The following VPS13A variants were observed in gnomAD, a reference collection of about 807,000 sequenced individuals.
The protein encoded by VPS13A is intermembrane lipid transfer protein VPS13A.
Under a neutral mutation model 390.9 loss-of-function variants are expected in VPS13A, and 264 were observed. The ratio of observed to expected loss-of-function variants is 0.68; its 90% CI spans 0.61 to 0.75. The LOEUF (loss-of-function observed/expected upper bound fraction) is 0.75, where lower values mean the gene tolerates loss of function less well. Among genes scored for constraint, VPS13A ranks in the 30% least tolerant of loss-of-function variants. VPS13A has a pLI of 0.00. For synonymous variants in VPS13A, 1,231 were observed against 1,227.1 expected (o/e 1.00, Z -0.07); for missense variants, 3,409 against 3,733.9 (o/e 0.91, Z 2.27).
At chr9:77,199,234 C>A (rs745457806) in intron 1 of VPS13A, among the ~76,000 whole-genome samples, 1 of 152,062 alleles carries the variant, frequency 6.6e-6, no homozygotes, top group Non-Finnish European at 1.5e-5. Context: ...AATGAGGTCT[C>A]GCTGTGTTGC....
At chr9:77,359,688 C>T (rs548360207) in intron 58 of VPS13A, among the ~76,000 whole-genome samples, 4 of 151,848 alleles carry the variant, frequency 2.6e-5, no homozygotes, top group South Asian at 2.1e-4. Context: ...CGTGGTGGCA[C>T]GTGCCCAGAG....
intron 59 of VPS13A, among the ~76,000 whole-genome samples, chr9:77,363,829 G>C (rs1041741258): frequency 6.6e-6 from 1 of 152,172 alleles, no homozygotes; most frequent in Non-Finnish European, 1.5e-5. Context: ...TTTGGGAAGA[G>C]ATTAATAGTT....
chr9:77,268,624 G>A (rs1449163294), intron 23 of VPS13A, among the ~76,000 whole-genome samples: 1 of 152,048 alleles, frequency 6.6e-6, no homozygotes, highest in Non-Finnish European at 1.5e-5. Flanking sequence ...GTGTAGAGAA[G>A]TTTTATCCCC....
At chr9:77,220,437 TA>T (rs1823141489) in intron 12 of VPS13A, 54 bp downstream of exon 12, 2 of 1,219,962 alleles carry the variant, frequency 1.6e-6, no homozygotes, top group Non-Finnish European at 2.3e-6. Context: ...AACATAAAAA[TA>T]AATTTCTCGA....
At chr9:77,348,964 C>A (rs1831312680) in intron 52 of VPS13A, among the ~76,000 whole-genome samples, 1 of 151,908 alleles carries the variant, frequency 6.6e-6, no homozygotes, top group Non-Finnish European at 1.5e-5. Context: ...AACACATTTA[C>A]ATTTGATTTT....
chr9:77,339,216 G>A, intron 47 of VPS13A: 1 of 348,058 alleles, frequency 2.9e-6, no homozygotes, highest in Non-Finnish European at 5.2e-6. Context: ...CAATTATAGT[G>A]TTTTATGTTT....
chr9:77,377,725 A>G (rs1206597943), intron 67 of VPS13A, among the ~76,000 whole-genome samples: 6 of 152,024 alleles, frequency 3.9e-5, no homozygotes, highest in Admixed American at 6.6e-5. Context: ...TTTCTTGCCT[A>G]GTTGTCCTGG....
intron 24 of VPS13A, 130 bp from the exon 25 acceptor site, chr9:77,275,368 C>T (rs757866298): frequency 6.9e-6 from 6 of 863,538 alleles, no homozygotes; most frequent in Admixed American, 2.5e-5. Flanking sequence ...CTGTTTATTT[C>T]GGTTCTCATG....
intron 46 of VPS13A, among the ~76,000 whole-genome samples, chr9:77,333,567 A>G (rs1487419336): frequency 6.6e-6 from 1 of 151,420 alleles, no homozygotes; most frequent in Non-Finnish European, 1.5e-5. Flanking sequence ...GGCATGTGCC[A>G]CCATGCGCAG....
chr9:77,411,802 G>A (rs1247648162), intron 71 of VPS13A, among the ~76,000 whole-genome samples: 1 of 151,802 alleles, frequency 6.6e-6, no homozygotes, highest in Non-Finnish European at 1.5e-5. Context: ...AATGAATCCA[G>A]GAGCTGGTTT....
rs1453845784 is a variant in VPS13A at position 77,314,260 on chromosome 9, AATAATT to A, written c.4242+146_4242+151del. The A allele has an allele frequency of 1.1e-5, 11 of 974,848 alleles. 1 individual carries two copies. Among genetic ancestry groups the A allele is most frequent in the Non-Finnish European group, 1.5e-5 (10 of 667,894 alleles). The allele number at this position is 974,848 out of a possible 1,614,324, so 60.4% of individuals were successfully genotyped here. ...AGAAAAATGATCTTTTTACTTTAAT[AATAATT>A]ATAACTATTTCCCTTTTAAATGAGT... On this transcript the variant is annotated intron_variant, in intron 36 of 71. Coordinates refer to ENST00000360280, the MANE Select transcript of VPS13A (RefSeq NM_033305.3).
At chr9:77,188,519 A>G (rs1256030922) in intron 1 of VPS13A, among the ~76,000 whole-genome samples, 1 of 152,188 alleles carries the variant, frequency 6.6e-6, no homozygotes, top group African/African-American at 2.4e-5. Flanking sequence ...TCCACTGTTG[A>G]CAGACATCTA....
chr9:77,318,434 G>A lies in VPS13A; in HGVS notation c.5156G>A (p.Gly1719Asp), dbSNP rs1829532129. ...IAPTTELVPK[G>D]EMIKMNIDSI... ...CCCACAACTGAATTGGTACCCAAAGGCGAGATGATAAAAATGAACATTGAT... is the reference window on the plus strand; with the variant it reads ...CCCACAACTGAATTGGTACCCAAAGACGAGATGATAAAAATGAACATTGAT... The change falls in exon 41 of 72, where the codon GGC becomes GAC. Residue 1719 changes from glycine to aspartate, a missense_variant. Coordinates refer to ENST00000360280, the MANE Select transcript of VPS13A (RefSeq NM_033305.3). The A allele has an allele frequency of 6.2e-7, 1 of 1,613,708 alleles. No individual in the cohort carries two copies. The highest frequency in any genetic ancestry group is 8.5e-7 in the Non-Finnish European group (1 of 1,179,868).
At chr9:77,195,967 T>C (rs1198669519) in intron 1 of VPS13A, among the ~76,000 whole-genome samples, 1 of 152,116 alleles carries the variant, frequency 6.6e-6, no homozygotes, top group Non-Finnish European at 1.5e-5. Context: ...AGCGCTGCTT[T>C]TGCTGTATCA....
chr9:77,298,040 T>G (rs1828117069), intron 33 of VPS13A, among the ~76,000 whole-genome samples: 1 of 152,086 alleles, frequency 6.6e-6, no homozygotes, highest in African/African-American at 2.4e-5. Flanking sequence ...AAAATTCACT[T>G]TAGGTTACAG....
chr9:77,179,817 C>A (rs921907709), intron 1 of VPS13A, among the ~76,000 whole-genome samples: 12 of 151,456 alleles, frequency 7.9e-5, no homozygotes, highest in Non-Finnish European at 1.0e-4. Flanking sequence ...CGGAATATTT[C>A]AGCACCCCAA....
chr9:77,196,644 T>G (rs1163046391), intron 1 of VPS13A, among the ~76,000 whole-genome samples: 1 of 152,060 alleles, frequency 6.6e-6, no homozygotes, highest in Non-Finnish European at 1.5e-5. Flanking sequence ...TCTGTGTTGC[T>G]GCAAAGGACA....
chr9:77,238,399 A>G lies in VPS13A; in HGVS notation c.1900+13A>G, dbSNP rs1174433834. ...AAGACAGCAACAGGTAAATGCCAAT[A>G]TTAATGTTGGTGAATTAAATACTGT... On this transcript the variant is annotated intron_variant, in intron 19 of 71. Transcript: ENST00000360280. 1.3e-6 allele frequency: 2 copies of G among 1,578,966 alleles called. No individual in the cohort carries two copies. Among genetic ancestry groups the G allele is most frequent in the Non-Finnish European group, 1.7e-6 (2 of 1,148,018 alleles).
chr9:77,344,141 T>C lies in VPS13A; in HGVS notation c.7027-12T>C, dbSNP rs767306737. 4 of 1,562,904 alleles carry C rather than the reference T, an allele frequency of 2.6e-6. No homozygotes were observed. The highest frequency in any genetic ancestry group is 2.6e-6 in the Non-Finnish European group (3 of 1,135,158). ...TGTTTATTTTTATAAACATATATAATGTATATTTTAGTGTATCCCCTTTTG... is the reference window on the plus strand; with the variant it reads ...TGTTTATTTTTATAAACATATATAACGTATATTTTAGTGTATCCCCTTTTG... On this transcript the variant is annotated splice_polypyrimidine_tract_variant and intron_variant, in intron 50 of 71. Coordinates refer to ENST00000360280, the MANE Select transcript of VPS13A (RefSeq NM_033305.3).
Sources: allele counts gnomAD v4.1 joint callset (sites outside exome capture counted in the v4.1 genomes callset), GRCh38; gene constraint gnomAD v4.1.1; transcripts MANE v1.5; gene names NCBI Gene and HGNC (gene_info 2026-07-23, HGNC 2026-07-21).